Variants in ZDHHC14 observed in about 807,000 individuals in gnomAD.
ZDHHC14 encodes the protein zDHHC palmitoyltransferase 14.
In ZDHHC14, 16 loss-of-function variants were observed where a neutral mutation model predicts 47.7. That is an observed-to-expected ratio of 0.34 (90% CI 0.23 to 0.51). The LOEUF (loss-of-function observed/expected upper bound fraction) is 0.51. Among genes scored for constraint, ZDHHC14 ranks in the 20% least tolerant of loss-of-function variants. The pLI, the probability that ZDHHC14 is intolerant of heterozygous loss-of-function variation, is 0.97. For synonymous variants in ZDHHC14, 293 were observed against 278.9 expected (o/e 1.05, Z -0.50); for missense variants, 515 against 662.5 (o/e 0.78, Z 2.44).
intron 1 of ZDHHC14, among the ~76,000 whole-genome samples, chr6:157,540,894 G>GTGTGTGTGTGTGTGTA (rs1466804657): frequency 7.9e-6 from 1 of 126,476 alleles, no homozygotes; most frequent in East Asian, 2.0e-4. Context: ...ATGTATGTGT[G>GTGTGTGTGTGTGTGTA]TGTGTGTGTG....
intron 2 of ZDHHC14, among the ~76,000 whole-genome samples, chr6:157,548,137 A>C (rs1453910939): frequency 6.6e-6 from 1 of 151,672 alleles, no homozygotes; most frequent in East Asian, 1.9e-4. Flanking sequence ...TCAACATAGC[A>C]GGCATTAAAG....
At chr6:157,652,085 G>A (rs1267752355) in intron 7 of ZDHHC14, among the ~76,000 whole-genome samples, 2 of 152,254 alleles carry the variant, frequency 1.3e-5, no homozygotes, top group African/African-American at 4.8e-5. Context: ...TTGACATCCT[G>A]CAGAGGAGGT....
At chr6:157,550,929 G>A (rs541740016) in intron 2 of ZDHHC14, among the ~76,000 whole-genome samples, 1 of 152,236 alleles carries the variant, frequency 6.6e-6, no homozygotes, top group East Asian at 1.9e-4. Flanking sequence ...TTATATACAG[G>A]GCCATGGAAG....
intron 2 of ZDHHC14, among the ~76,000 whole-genome samples, chr6:157,556,519 G>T (rs900977286): frequency 2.6e-5 from 4 of 152,264 alleles, no homozygotes; most frequent in African/African-American, 9.6e-5. Context: ...CTGTTTGGTA[G>T]GGGTTAAGGC....
rs150564730 is a variant in ZDHHC14 at position 157,567,268 on chromosome 6, G to A, written c.406+24523G>A. ...GCAAAAACATAGGGTAATGAGGTGT[G>A]ATCTAATTGGATCTTGTAATGCAAT... On this transcript the variant is annotated intron_variant, in intron 2 of 8. Transcript: ENST00000359775. Among the ~76,000 whole-genome samples the A allele has an allele frequency of 1.5e-3, 223 of 152,286 alleles. 1 individual carries two copies. The highest frequency in any genetic ancestry group is 5.2e-3 in the African/African-American group (215 of 41,556).
chr6:157,593,281 T>C (rs1783990063), intron 3 of ZDHHC14, 135 bp downstream of exon 3: 1 of 1,171,806 alleles, frequency 8.5e-7, no homozygotes, highest in African/African-American at 1.5e-5. Context: ...CTGATTGAGT[T>C]CACCGGGCCT....
intron 2 of ZDHHC14, among the ~76,000 whole-genome samples, chr6:157,572,024 G>A (rs374587910): frequency 8.5e-5 from 13 of 152,132 alleles, no homozygotes; most frequent in African/African-American, 2.4e-4. Context: ...CAGCAGGGTC[G>A]GGGCTGGGAG....
At chr6:157,518,928 C>T (rs1473101241) in intron 1 of ZDHHC14, among the ~76,000 whole-genome samples, 1 of 152,208 alleles carries the variant, frequency 6.6e-6, no homozygotes, top group Non-Finnish European at 1.5e-5. Flanking sequence ...AGCCATACGG[C>T]GGCCAGCCAA....
intron 2 of ZDHHC14, among the ~76,000 whole-genome samples, chr6:157,591,433 T>C (rs1582987770): frequency 6.6e-6 from 1 of 152,302 alleles, no homozygotes; most frequent in African/African-American, 2.4e-5. Flanking sequence ...ATCTGATTCT[T>C]TTATAAGAGG....
chr6:157,400,879 T>C (rs1459616406), intron 1 of ZDHHC14, among the ~76,000 whole-genome samples: 17 of 152,220 alleles, frequency 1.1e-4, no homozygotes, highest in Admixed American at 9.8e-4. Context: ...TGTGCACGCC[T>C]TTATCATCCC....
intron 3 of ZDHHC14, 78 bp downstream of exon 3, chr6:157,593,224 G>C: frequency 6.7e-7 from 1 of 1,481,490 alleles, no homozygotes; most frequent in Non-Finnish European, 9.1e-7. Context: ...CCTGCGCCAC[G>C]GAACACTCAG....
At chr6:157,545,365 T>C (rs1441688571) in intron 2 of ZDHHC14, among the ~76,000 whole-genome samples, 1 of 150,214 alleles carries the variant, frequency 6.7e-6, no homozygotes, top group Non-Finnish European at 1.5e-5. Flanking sequence ...ATTATACCTC[T>C]ATGAAGATGT....
chr6:157,484,422 A>ACG (rs1491585099), intron 1 of ZDHHC14, among the ~76,000 whole-genome samples: 38 of 136,938 alleles, frequency 2.8e-4, no homozygotes, highest in Non-Finnish European at 4.8e-4. Flanking sequence ...ACACATATAC[A>ACG]TATATATACG....
chr6:157,433,046 G>C (rs1035589005), intron 1 of ZDHHC14, among the ~76,000 whole-genome samples: 1 of 152,240 alleles, frequency 6.6e-6, no homozygotes, highest in Non-Finnish European at 1.5e-5. Context: ...GCATCTCACC[G>C]CCCAAGAGCG....
At chr6:157,397,165 G>A (rs1183981712) in intron 1 of ZDHHC14, among the ~76,000 whole-genome samples, 1 of 152,210 alleles carries the variant, frequency 6.6e-6, no homozygotes, top group Admixed American at 6.5e-5. Context: ...CCCTGAATGG[G>A]AGCCCCAGTC....
chr6:157,488,348 G>A (rs920583770), intron 1 of ZDHHC14, among the ~76,000 whole-genome samples: 14 of 152,140 alleles, frequency 9.2e-5, no homozygotes, highest in African/African-American at 3.1e-4. Flanking sequence ...GAACTCAATC[G>A]AGGATTTCAG....
At chr6:157,490,255 G>A (rs149446126) in intron 1 of ZDHHC14, among the ~76,000 whole-genome samples, 63 of 152,274 alleles carry the variant, frequency 4.1e-4, no homozygotes, top group African/African-American at 1.3e-3. Context: ...AGATATAAGC[G>A]TTGTTCATTC....
chr6:157,663,971 G>C (rs1778447812), intron 8 of ZDHHC14, among the ~76,000 whole-genome samples: 1 of 152,178 alleles, frequency 6.6e-6, no homozygotes. Flanking sequence ...GTCCTAATTT[G>C]ACCCCAGAGC....
At chr6:157,615,048 C>T in intron 3 of ZDHHC14, among the ~76,000 whole-genome samples, 1 of 152,164 alleles carries the variant, frequency 6.6e-6, no homozygotes, top group Non-Finnish European at 1.5e-5. Flanking sequence ...GAATTACAGG[C>T]ATGAGCCACT....
Sources: allele counts gnomAD v4.1 joint callset (sites outside exome capture counted in the v4.1 genomes callset), GRCh38; gene constraint gnomAD v4.1.1; transcripts MANE v1.5; gene names NCBI Gene and HGNC (gene_info 2026-07-23, HGNC 2026-07-21).